The following GPHN variants were observed in gnomAD, a reference collection of about 807,000 sequenced individuals.
GPHN encodes gephyrin.
Under a neutral mutation model 95.5 loss-of-function variants are expected in GPHN, and 17 were observed. The observed-to-expected ratio is 0.18, with a 90% CI of 0.12 to 0.27. GPHN has a LOEUF of 0.27. GPHN is among the 10% of genes least tolerant of loss of function. The pLI, the probability that GPHN is intolerant of heterozygous loss-of-function variation, is 1.00. For synonymous variants in GPHN, 320 were observed against 322.5 expected (o/e 0.99, Z 0.08); for missense variants, 660 against 978.1 (o/e 0.67, Z 4.34).
intron 1 of GPHN, among the ~76,000 whole-genome samples, chr14:66,658,883 CT>C (rs774854250): frequency 0.032 from 4,513 of 141,368 alleles, 203 homozygotes; most frequent in African/African-American, 0.11. Flanking sequence ...TTAGAGGCAG[CT>C]TTTTTTTTTT....
At chr14:66,602,112 A>G (rs1401701412) in intron 1 of GPHN, among the ~76,000 whole-genome samples, 1 of 151,934 alleles carries the variant, frequency 6.6e-6, no homozygotes, top group Non-Finnish European at 1.5e-5. Context: ...TCACATAGAA[A>G]GCCCTCAGGA....
chr14:67,392,488 G>A, the GPHN span: 121 of 1,345,904 alleles, frequency 9.0e-5, no homozygotes, highest in African/African-American at 2.9e-4. Context: ...AGGCTATGGC[G>A]GCTGTCAGAG....
At chr14:67,013,039 G>A (rs1326472460) in intron 9 of GPHN, among the ~76,000 whole-genome samples, 1 of 151,914 alleles carries the variant, frequency 6.6e-6, no homozygotes, top group Non-Finnish European at 1.5e-5. Flanking sequence ...TTCCAAGATA[G>A]CAAGGTCTTT....
At chr14:67,712,970 C>G in the GPHN span, among the ~76,000 whole-genome samples, 1 of 151,788 alleles carries the variant, frequency 6.6e-6, no homozygotes, top group Non-Finnish European at 1.5e-5. Flanking sequence ...TTAACCACTT[C>G]AGAGGACTTA....
At chr14:67,555,457 C>T in the GPHN span, among the ~76,000 whole-genome samples, 4 of 152,238 alleles carry the variant, frequency 2.6e-5, no homozygotes, top group South Asian at 8.3e-4. Flanking sequence ...ACCTTCGACC[C>T]AATGCTGAGA....
chr14:67,092,524 G>A (rs2077186804), intron 12 of GPHN, among the ~76,000 whole-genome samples: 1 of 152,038 alleles, frequency 6.6e-6, no homozygotes, highest in Non-Finnish European at 1.5e-5. Context: ...AACTTGCTCT[G>A]GATCACTAAG....
At chr14:66,717,949 G>A (rs1385053634) in intron 2 of GPHN, among the ~76,000 whole-genome samples, 2 of 152,178 alleles carry the variant, frequency 1.3e-5, no homozygotes, top group Non-Finnish European at 2.9e-5. Context: ...TCTTAGCTTT[G>A]GTGGTTTAAT....
the GPHN span, chr14:67,695,640 G>T: frequency 1.2e-6 from 2 of 1,613,984 alleles, no homozygotes; most frequent in African/African-American, 2.7e-5. Flanking sequence ...CTGATTTGGG[G>T]CGCAGCCATA....
chr14:67,693,895 C>A, the GPHN span, among the ~76,000 whole-genome samples: 1 of 152,154 alleles, frequency 6.6e-6, no homozygotes. Context: ...AGGTGATCCG[C>A]CCACCTCAGC....
chr14:66,949,864 A>G (rs2067985166), intron 8 of GPHN, among the ~76,000 whole-genome samples: 1 of 152,122 alleles, frequency 6.6e-6, no homozygotes, highest in Non-Finnish European at 1.5e-5. Context: ...TCATACTGCC[A>G]TTTCAAAGGA....
the GPHN span, among the ~76,000 whole-genome samples, chr14:67,555,332 C>T: frequency 3.7e-4 from 57 of 152,304 alleles, no homozygotes; most frequent in East Asian, 9.7e-3. Flanking sequence ...GCAGAGGTGC[C>T]CTCGACTGTG....
chr14:67,166,435 G>C (rs187071252), intron 20 of GPHN, among the ~76,000 whole-genome samples: 31 of 152,266 alleles, frequency 2.0e-4, no homozygotes, highest in Admixed American at 1.5e-3. Context: ...GAATGTTACT[G>C]TGGGAGCCTA....
At chr14:67,511,508 G>GA in the GPHN span, among the ~76,000 whole-genome samples, 3 of 152,010 alleles carry the variant, frequency 2.0e-5, no homozygotes, top group Non-Finnish European at 2.9e-5. Flanking sequence ...CGAGAATCCC[G>GA]AAAAAAATAT....
intron 10 of GPHN, 123 bp downstream of exon 10, chr14:67,023,798 G>C: frequency 1.3e-6 from 1 of 779,918 alleles, no homozygotes; most frequent in Non-Finnish European, 2.2e-6. Context: ...ATGAATATTA[G>C]GGCTTTTACC....
intron 15 of GPHN, 62 bp downstream of exon 15, chr14:67,111,981 G>A: frequency 8.1e-7 from 1 of 1,231,168 alleles, no homozygotes; most frequent in South Asian, 1.2e-5. Context: ...ATTTACTCAG[G>A]AAACCCTGGC....
the GPHN span, among the ~76,000 whole-genome samples, chr14:67,606,032 T>G: frequency 6.6e-6 from 1 of 152,136 alleles, no homozygotes; most frequent in Non-Finnish European, 1.5e-5. Context: ...AATGTGTGCT[T>G]TGTTGTCAGC....
chr14:67,348,178 G>T, the GPHN span, among the ~76,000 whole-genome samples: 1 of 151,954 alleles, frequency 6.6e-6, no homozygotes, highest in African/African-American at 2.4e-5. Flanking sequence ...GGGTCCAAGT[G>T]AGTCTCCTGC....
At chr14:66,573,586 G>A (rs894216148) in intron 1 of GPHN, among the ~76,000 whole-genome samples, 6 of 151,816 alleles carry the variant, frequency 4.0e-5, no homozygotes, top group Admixed American at 6.6e-5. Context: ...CTGAGTAGCT[G>A]GGACTACAGG....
intron 2 of GPHN, among the ~76,000 whole-genome samples, chr14:66,751,676 G>A (rs2058369372): frequency 6.6e-6 from 1 of 151,984 alleles, no homozygotes; most frequent in Non-Finnish European, 1.5e-5. Flanking sequence ...CTTTTGCTGT[G>A]CAGAAACTCT....
Sources: gnomAD v4.1 joint callset for allele counts (sites outside exome capture counted in the v4.1 genomes callset) on GRCh38, gnomAD v4.1.1 for gene constraint, MANE v1.5 for transcripts, NCBI Gene and HGNC (gene_info 2026-07-23, HGNC 2026-07-21) for gene names.